The following AOAH variants were observed in gnomAD, a reference collection of about 807,000 sequenced individuals.
AOAH encodes the protein acyloxyacyl hydrolase, also known as acyloxyacyl hydrolase (neutrophil).
A neutral mutation model predicts 92.2 loss-of-function variants in AOAH; 64 were observed. That is an observed-to-expected ratio of 0.69 (90% CI 0.57 to 0.86). The LOEUF (loss-of-function observed/expected upper bound fraction) is 0.86, where lower values mean the gene tolerates loss of function less well. AOAH is among the 40% of genes least tolerant of loss of function. The pLI is 0.00. For missense variants in AOAH, 656 were observed against 694.6 expected, an observed-to-expected ratio of 0.94 and a Z score of 0.62; for synonymous variants, 263 against 254.5, an observed-to-expected ratio of 1.03 and a Z score of -0.32.
At position 36,554,065 on chromosome 7, in the gene AOAH, A is replaced by G. The variant is rs1786497892; in HGVS notation, c.1022-4590T>C. On this transcript the variant is annotated intron_variant, in intron 13 of 20. Coordinates refer to ENST00000617537, the MANE Select transcript of AOAH (RefSeq NM_001637.4). The stretch of plus-strand genomic sequence containing the variant: ...AGACATGAAGTCCTTGCCCATGCCT[A>G]TGTCATGAATGGTAATGCCTAGGTT... 3.9e-5 allele frequency among the ~76,000 whole-genome samples: 6 copies of G among 152,218 alleles called. No homozygotes were observed. The South Asian group carries it at 1.2e-3, about 32-fold the overall frequency.
chr7:36,706,637 T>C (rs1285928876), intron 1 of AOAH, among the ~76,000 whole-genome samples: 1 of 152,176 alleles, frequency 6.6e-6, no homozygotes, highest in African/African-American at 2.4e-5. Context: ...CATCTTCTAA[T>C]AGAAGGCTAT....
At chr7:36,550,414 T>TA (rs1786145748) in intron 13 of AOAH, among the ~76,000 whole-genome samples, 1 of 152,102 alleles carries the variant, frequency 6.6e-6, no homozygotes, top group African/African-American at 2.4e-5. Flanking sequence ...TAGGTGCTGT[T>TA]AAACTTTTAC....
intron 11 of AOAH, among the ~76,000 whole-genome samples, chr7:36,595,100 A>G (rs986735878): frequency 2.0e-5 from 3 of 152,248 alleles, no homozygotes; most frequent in African/African-American, 7.2e-5. Context: ...TCAGCAAAGA[A>G]AAATGTGATG....
intron 19 of AOAH, among the ~76,000 whole-genome samples, chr7:36,523,558 T>G (rs16879399): frequency 0.02 from 3,062 of 152,008 alleles, 112 homozygotes; most frequent in African/African-American, 0.071. Flanking sequence ...TTGGCCATAG[T>G]GTCTTGTAAA....
chr7:36,609,813 T>A (rs1791305789), intron 11 of AOAH, among the ~76,000 whole-genome samples: 1 of 152,022 alleles, frequency 6.6e-6, no homozygotes, highest in Admixed American at 6.6e-5. Flanking sequence ...TGTCATCCGA[T>A]CACAGGGCTT....
chr7:36,724,135 C>T lies in AOAH; in HGVS notation c.14G>A (p.Trp5Ter). Residue 5 changes from tryptophan (W) to a stop codon, truncating the protein, a stop_gained, in exon 1 of 21, where the codon TGG (tryptophan) becomes TAG (stop). Coordinates refer to ENST00000617537, the MANE Select transcript of AOAH (RefSeq NM_001637.4). LOFTEE classifies it high-confidence loss of function. MQSP[W>*]KILTVAPLFL... ...TAGAGGCGCCACCGTAAGGATTTTC[C>T]AGGGGGACTGCATCTCCGAGCTATG... 1.9e-6 allele frequency: 3 copies of T among 1,613,328 alleles called. No homozygotes were observed. Among genetic ancestry groups the T allele is most frequent in the Non-Finnish European group, 2.5e-6 (3 of 1,179,514 alleles).
intron 3 of AOAH, among the ~76,000 whole-genome samples, chr7:36,670,747 T>C (rs139327824): frequency 0.018 from 2,754 of 152,308 alleles, 36 homozygotes; most frequent in South Asian, 0.035. Flanking sequence ...AGTGCTGAGA[T>C]TACAGGCGTG....
chr7:36,617,781 C>G (rs917930311), intron 10 of AOAH, among the ~76,000 whole-genome samples: 5 of 152,212 alleles, frequency 3.3e-5, no homozygotes, highest in Admixed American at 3.3e-4. Context: ...ACTTAGAGCA[C>G]AGAGCTTTTG....
chr7:36,621,282 A>G (rs2727821), intron 8 of AOAH, among the ~76,000 whole-genome samples: 104,495 of 152,138 alleles, frequency 0.69, 36,182 homozygotes, highest in African/African-American at 0.78. Context: ...CAGGGCTAAT[A>G]TATGACATGT....
Position 36,524,804 on chromosome 7 carries a change from C to T in AOAH, c.1523-2689G>A, listed in dbSNP as rs149280596. 7.5e-4 allele frequency among the ~76,000 whole-genome samples: 114 copies of T among 152,000 alleles called. 2 individuals are homozygous for T. In the East Asian group the frequency reaches 8.9e-3, roughly 12 times the overall value. On this transcript the variant is annotated intron_variant, in intron 19 of 20. Transcript: ENST00000617537. Reference sequence around the variant, plus strand: ...TGGCAGTCGGCAACACGGAAGGGGACCCTCACCAGAACCTGACCATGCTGG... The same window carrying T: ...TGGCAGTCGGCAACACGGAAGGGGATCCTCACCAGAACCTGACCATGCTGG...
At chr7:36,658,605 G>A (rs78652411) in intron 4 of AOAH, among the ~76,000 whole-genome samples, 2,660 of 152,254 alleles carry the variant, frequency 0.017, 86 homozygotes, top group African/African-American at 0.061. Flanking sequence ...TCATTTAGCA[G>A]TCATTTCTCT....
chr7:36,606,767 AAAAAC>A (rs1791035537), intron 11 of AOAH, among the ~76,000 whole-genome samples: 1 of 152,160 alleles, frequency 6.6e-6, no homozygotes. Context: ...AAAGAAGAAA[AAAAAC>A]AAAACCAGCA....
chr7:36,722,935 G>GAAAA (rs11407908), intron 1 of AOAH, among the ~76,000 whole-genome samples: 2 of 49,490 alleles, frequency 4.0e-5, no homozygotes, highest in Non-Finnish European at 7.2e-5. Context: ...ATCCATCTCA[G>GAAAA]AAAAAAAAAA....
chr7:36,559,669 T>C (rs1583819706), intron 13 of AOAH, among the ~76,000 whole-genome samples: 1 of 152,142 alleles, frequency 6.6e-6, no homozygotes, highest in Non-Finnish European at 1.5e-5. Context: ...GGATGCATCA[T>C]TTGTGAATAT....
At chr7:36,553,792 G>A (rs1408011398) in intron 13 of AOAH, among the ~76,000 whole-genome samples, 2 of 152,164 alleles carry the variant, frequency 1.3e-5, no homozygotes, top group Non-Finnish European at 2.9e-5. Flanking sequence ...CTTTTGAGAA[G>A]TGTCTGTTCA....
At chr7:36,717,466 C>A (rs935774924) in intron 1 of AOAH, among the ~76,000 whole-genome samples, 2 of 151,782 alleles carry the variant, frequency 1.3e-5, no homozygotes, top group Admixed American at 1.3e-4. Flanking sequence ...GGTGAACACA[C>A]TTCTGCGGGC....
At chr7:36,713,691 A>G (rs1013550956) in intron 1 of AOAH, among the ~76,000 whole-genome samples, 5 of 151,438 alleles carry the variant, frequency 3.3e-5, no homozygotes, top group Admixed American at 6.6e-5. Flanking sequence ...AAACTGCTCA[A>G]ACATGGAAAC....
chr7:36,591,254 T>C (rs1191838894), intron 12 of AOAH, among the ~76,000 whole-genome samples: 5 of 152,194 alleles, frequency 3.3e-5, no homozygotes, highest in African/African-American at 7.2e-5. Context: ...GAAAAGTTCC[T>C]GCAGGGGAGG....
rs1350951558 is a variant in AOAH at position 36,530,429 on chromosome 7, G to A, written c.1511C>T (p.Ala504Val). The A allele has an allele frequency of 1.2e-6, 2 of 1,610,916 alleles. No homozygotes were observed. Among genetic ancestry groups the A allele is most frequent in the Non-Finnish European group, 1.7e-6 (2 of 1,177,350 alleles). ...ACAAAGCTACTTACTTTCATGGAAGGCAAAATCCATGTAGAAAAGATTGAA... is the reference window on the plus strand; with the variant it reads ...ACAAAGCTACTTACTTTCATGGAAGACAAAATCCATGTAGAAAAGATTGAA... ...TNFNLFYMDF[A>V]FHEIIQEWQK... Residue 504 changes from alanine (A) to valine (V), a missense_variant, in exon 19 of 21, where the codon GCC (alanine) becomes GTC (valine). Physicochemically the swap from Ala to Val is moderately conservative, Grantham distance 64. Coordinates refer to ENST00000617537, the MANE Select transcript of AOAH (RefSeq NM_001637.4).
Sources: allele counts gnomAD v4.1 joint callset (sites outside exome capture counted in the v4.1 genomes callset), GRCh38; gene constraint gnomAD v4.1.1; transcripts MANE v1.5; gene names NCBI Gene and HGNC (gene_info 2026-07-23, HGNC 2026-07-21).